The following KLHL21 variants were observed in gnomAD, a reference collection of about 807,000 sequenced individuals.
The protein encoded by KLHL21 is kelch-like protein 21.
A neutral mutation model predicts 44.1 loss-of-function variants in KLHL21; 42 were observed. That is an observed-to-expected ratio of 0.95 (90% CI 0.74 to 1.23). The LOEUF (loss-of-function observed/expected upper bound fraction) is 1.23, where lower values mean the gene tolerates loss of function less well. KLHL21 is among the 50% of genes most tolerant of loss of function. KLHL21 has a pLI of 0.00. For synonymous variants in KLHL21, 524 were observed against 411.6 expected (o/e 1.27, Z -3.31); for missense variants, 918 against 889.1 (o/e 1.03, Z -0.41).
Position 6,602,548 on chromosome 1 carries a change from C to A in KLHL21, c.270G>T (p.Leu90=), listed in dbSNP as rs1329192049. The change falls in exon 1 of 4, where the codon CTG becomes CTT. Residue 90 remains leucine (L), a synonymous_variant. Coordinates refer to ENST00000377658, the MANE Select transcript of KLHL21 (RefSeq NM_014851.4). The part of the protein sequence containing the change: ...HGVPPDMLQL[L]LDFSYTGRVA... ...CGCGGCCCGTGTAGCTGAAGTCCAG[C>A]AGCAGCTGCAGCATGTCGGGAGGCA... 20 of 1,537,234 alleles carry A rather than the reference C, an allele frequency of 1.3e-5. No individual in the cohort carries two copies. Among genetic ancestry groups the A allele is most frequent in the Non-Finnish European group, 1.7e-5 (19 of 1,146,942 alleles).
Position 6,599,133 on chromosome 1 carries a change from C to A in KLHL21, c.1341G>T (p.Leu447=), listed in dbSNP as rs1246138953. 3.7e-6 allele frequency: 6 copies of A among 1,613,874 alleles called. No individual in the cohort carries two copies. Among genetic ancestry groups the A allele is most frequent in the East Asian group, 4.5e-5 (2 of 44,886 alleles). The change falls in exon 2 of 4, where the codon CTG becomes CTT. Residue 447 remains leucine, a synonymous_variant. Coordinates refer to ENST00000377658, the MANE Select transcript of KLHL21 (RefSeq NM_014851.4). ...VMQCYDPDTD[L]WSLVDCGQLP... is the part of the protein sequence containing the mutation. ...GCTGGCCGCAGTCCACCAGCGACCACAGGTCGGTGTCCGGGTCGTAGCACT... is the reference window on the plus strand; with the variant it reads ...GCTGGCCGCAGTCCACCAGCGACCAAAGGTCGGTGTCCGGGTCGTAGCACT...
chr1:6,601,710 C>T, intron 1 of KLHL21, 87 bp downstream of exon 1: 1 of 1,462,096 alleles, frequency 6.8e-7, no homozygotes, highest in Non-Finnish European at 9.1e-7. Flanking sequence ...GGATTCCAGG[C>T]TCTGTGCGCT....
In KLHL21 at chr1:6,602,455, C is replaced by T. The variant is rs775154413; in HGVS notation, c.363G>A (p.Val121=). The T allele has an allele frequency of 1.5e-5, 23 of 1,581,648 alleles. No individual in the cohort carries two copies. The highest frequency in any genetic ancestry group is 2.7e-5 in the African/African-American group (2 of 74,290). The change falls in exon 1 of 4, where the codon GTG becomes GTA. Residue 121 remains valine, a synonymous_variant. Coordinates refer to ENST00000377658, the MANE Select transcript of KLHL21 (RefSeq NM_014851.4). The part of the protein sequence containing the change: ...RAADLLQFPA[V]KEACGAFLQQ... ...GCAGGAAGGCCCCGCACGCCTCCTTCACGGCCGGGAACTGCAGCAGGTCGG... is the reference window on the plus strand; with the variant it reads ...GCAGGAAGGCCCCGCACGCCTCCTTTACGGCCGGGAACTGCAGCAGGTCGG...
At position 6,591,363 on chromosome 1, in the gene KLHL21, C is replaced by T. The variant is rs1201943053; in HGVS notation, c.*2002G>A. The T allele has an allele frequency of 9.0e-6, 2 of 223,306 alleles. No homozygotes were observed. Among genetic ancestry groups the T allele is most frequent in the East Asian group, 8.7e-5 (1 of 11,498 alleles). 13.8% of individuals were successfully genotyped at this position (223,306 alleles called of 1,614,324 possible). On this transcript the variant is annotated 3_prime_UTR_variant, in exon 4 of 4. Transcript: ENST00000377658. ...GAGTGGCCGACACAAGCCTGGAGTA[C>T]GGCAGCTGCCAACCACAGCAAAGCC...
intron 3 of KLHL21, 116 bp downstream of exon 3, chr1:6,595,369 T>C (rs777539739): frequency 1.1e-6 from 1 of 918,120 alleles, no homozygotes; most frequent in South Asian, 1.4e-5. Flanking sequence ...CTTCTATTAA[T>C]TGAGATGAGA....
At chr1:6,598,699 G>A (rs1471378867) in intron 2 of KLHL21, among the ~76,000 whole-genome samples, 2 of 151,560 alleles carry the variant, frequency 1.3e-5, no homozygotes, top group Non-Finnish European at 2.9e-5. Context: ...TGGCTAACAC[G>A]GTGAAACCCC....
Position 6,601,804 on chromosome 1 carries a change from G to C in KLHL21, c.1014C>G (p.Tyr338Ter). The change falls in exon 1 of 4, where the codon TAC becomes TAG. Residue 338 changes from tyrosine (Y) to a stop codon, truncating the protein, a stop_gained. Transcript: ENST00000377658. LOFTEE classifies it high-confidence loss of function. ...YSIVALGNDI[Y>*]VTGGSDGSRL... ...AGCCCCTGGCCCACTCACCCGTCAC[G>C]TAGATGTCATTGCCCAGCGCCACGA... is the stretch of plus-strand genomic sequence containing the variant. 1 of 1,576,202 alleles carries C rather than the reference G, an allele frequency of 6.3e-7. No individual in the cohort carries two copies. The highest frequency in any genetic ancestry group is 2.4e-5 in the East Asian group (1 of 42,158).
In KLHL21 at chr1:6,600,343, C is replaced by G. The variant is rs146955587; in HGVS notation, c.1022-891G>C. 4.5e-3 allele frequency among the ~76,000 whole-genome samples: 691 copies of G among 152,128 alleles called. 4 individuals carry two copies. The highest frequency in any genetic ancestry group is 0.015 in the African/African-American group (639 of 41,502). On this transcript the variant is annotated intron_variant, in intron 1 of 3. Coordinates refer to ENST00000377658, the MANE Select transcript of KLHL21 (RefSeq NM_014851.4). Reference sequence around the variant, plus strand: ...TTACAAAGAGCCACTGCACCCGGCCCGTATTTTCAATTTCAATAAAAAGCT... The same window carrying G: ...TTACAAAGAGCCACTGCACCCGGCCGGTATTTTCAATTTCAATAAAAAGCT...
chr1:6,595,175 CCTCT>C, intron 3 of KLHL21: 1 of 566,410 alleles, frequency 1.8e-6, no homozygotes, highest in East Asian at 3.0e-5. Flanking sequence ...ACCTGCTGTC[CCTCT>C]CTGGAACAGG....
At chr1:6,595,942 C>A (rs921508060) in intron 2 of KLHL21, among the ~76,000 whole-genome samples, 1 of 152,230 alleles carries the variant, frequency 6.6e-6, no homozygotes, top group Non-Finnish European at 1.5e-5. Context: ...CCCACAGGCC[C>A]TGGAACACTC....
At chr1:6,601,490 G>C (rs902624459) in intron 1 of KLHL21, among the ~76,000 whole-genome samples, 7 of 152,204 alleles carry the variant, frequency 4.6e-5, no homozygotes, top group Non-Finnish European at 8.8e-5. Flanking sequence ...CATTGTGCGG[G>C]GTGAATGCCC....
chr1:6,593,561 T>C lies in KLHL21; in HGVS notation c.1598A>G (p.Tyr533Cys), dbSNP rs745307007. The change falls in exon 4 of 4, where the codon TAT becomes TGT. Residue 533 changes from tyrosine to cysteine, a missense_variant. By Grantham distance (194) the Tyr-to-Cys change is radical. Coordinates refer to ENST00000377658, the MANE Select transcript of KLHL21 (RefSeq NM_014851.4). ...GCTCCACGCGCGAGTCTCTGGGTCA[T>C]AGGCCTCTACCACGTCCGAGAGTTC... ...TFELSDVVEA[Y>C]DPETRAWSVV... 4 of 1,613,966 alleles carry C rather than the reference T, an allele frequency of 2.5e-6. No individual in the cohort carries two copies. Among genetic ancestry groups the C allele is most frequent in the East Asian group, 2.2e-5 (1 of 44,870 alleles).
intron 3 of KLHL21, chr1:6,594,206 A>C: frequency 4.8e-6 from 2 of 419,438 alleles, no homozygotes; most frequent in Non-Finnish European, 6.4e-6. Flanking sequence ...TAGGTTTGGA[A>C]ATGTTAACAG....
At position 6,602,438 on chromosome 1, in the gene KLHL21, GC is replaced by G; in HGVS notation, c.379del (p.Ala127ProfsTer213). 6.3e-7 allele frequency: 1 copy of G among 1,590,728 alleles called. No individual in the cohort carries two copies. Reference protein sequence around the residue: ...QFPAVKEACGAFLQQQLDLAN... With the variant: ...QFPAVKEACGXFLQQQLDLAN... ...CAGGTCGAGCTGCTGCTGCAGGAAG[GC>G]CCCGCACGCCTCCTTCACGGCCGGG... On this transcript the variant is annotated frameshift_variant, in exon 1 of 4. Transcript: ENST00000377658. LOFTEE classifies it high-confidence loss of function.
In KLHL21 at chr1:6,602,860, G is replaced by T; in HGVS notation, c.-43C>A. 1 of 1,377,628 alleles carries T rather than the reference G, an allele frequency of 7.3e-7. No homozygotes were observed. The highest frequency in any genetic ancestry group is 9.3e-7 in the Non-Finnish European group (1 of 1,074,680). 85.3% of individuals were successfully genotyped at this position (1,377,628 alleles called of 1,614,324 possible). ...GTCGAGGACGCCGCGGCCGGGGCCTGCGGAGAGACGCGGCGCGCTAGGCAC... is the reference window on the plus strand; with the variant it reads ...GTCGAGGACGCCGCGGCCGGGGCCTTCGGAGAGACGCGGCGCGCTAGGCAC... On this transcript the variant is annotated 5_prime_UTR_variant, in exon 1 of 4. Coordinates refer to ENST00000377658, the MANE Select transcript of KLHL21 (RefSeq NM_014851.4).
chr1:6,594,171 CTG>C (rs1310351774), intron 3 of KLHL21: 1 of 726,218 alleles, frequency 1.4e-6, no homozygotes, highest in African/African-American at 1.9e-5. Flanking sequence ...GTGATGTAAG[CTG>C]TGAGGCTGGA....
Position 6,593,903 on chromosome 1 carries a change from G to A in KLHL21, c.1501-245C>T, listed in dbSNP as rs922731889. 67 of 1,297,818 alleles carry A rather than the reference G, an allele frequency of 5.2e-5. No homozygotes were observed. The South Asian group carries it at 1.7e-3, about 33-fold the overall frequency. The allele number at this position is 1,297,818 out of a possible 1,614,324, so 80.4% of individuals were successfully genotyped here. A position where few individuals can be genotyped will look rare whatever the true frequency, so the allele number is the denominator to read the frequency against. The stretch of plus-strand genomic sequence containing the variant: ...GCCCGCTGCAGCGCCAGGCCTCCCC[G>A]TGTGCAGGTCGTGCCGAGCAGCGCT... On this transcript the variant is annotated intron_variant, in intron 3 of 3. Coordinates refer to ENST00000377658, the MANE Select transcript of KLHL21 (RefSeq NM_014851.4).
rs1394223043 is a variant in KLHL21 at position 6,602,773 on chromosome 1, G to T, written c.45C>A (p.Pro15=). 8 of 1,486,738 alleles carry T rather than the reference G, an allele frequency of 5.4e-6. No homozygotes were observed. In the African/African-American group the frequency reaches 1.0e-4, roughly 19 times the overall value. The allele number at this position is 1,486,738 out of a possible 1,614,324, so 92.1% of individuals were successfully genotyped here. ...APLAVLPFSD[P]AHALSLLRGL... ...CGCGCAGCAGGCTCAGGGCGTGCGC[G>T]GGGTCCGAGAAGGGAAGCACGGCCA... The change falls in exon 1 of 4, where the codon CCC becomes CCA. Residue 15 remains proline, a synonymous_variant. Coordinates refer to ENST00000377658, the MANE Select transcript of KLHL21 (RefSeq NM_014851.4).
At position 6,592,391 on chromosome 1, in the gene KLHL21, C is replaced by T. The variant is rs1000971088; in HGVS notation, c.*974G>A. 1.3e-5 allele frequency: 2 copies of T among 152,384 alleles called. No individual in the cohort carries two copies. Among genetic ancestry groups the T allele is most frequent in the African/African-American group, 4.8e-5 (2 of 41,596 alleles). 9.4% of individuals were successfully genotyped at this position (152,384 alleles called of 1,614,324 possible). ...CCAGGGGCTGCCAAGCTGCGGCATTCACCCTCCTGCAGAAAGCTTTGGCAA... is the reference window on the plus strand; with the variant it reads ...CCAGGGGCTGCCAAGCTGCGGCATTTACCCTCCTGCAGAAAGCTTTGGCAA... On this transcript the variant is annotated 3_prime_UTR_variant, in exon 4 of 4. Coordinates refer to ENST00000377658, the MANE Select transcript of KLHL21 (RefSeq NM_014851.4).
Sources: gnomAD v4.1 joint callset for allele counts (sites outside exome capture counted in the v4.1 genomes callset) on GRCh38, gnomAD v4.1.1 for gene constraint, MANE v1.5 for transcripts, NCBI Gene and HGNC (gene_info 2026-07-23, HGNC 2026-07-21) for gene names.